Variants in EHMT1 observed in about 807,000 individuals in gnomAD.
The protein encoded by EHMT1 is euchromatic histone lysine methyltransferase 1.
EHMT1 carries 15 observed loss-of-function variants against 147.2 expected under a neutral mutation model. The ratio of observed to expected loss-of-function variants is 0.10; its 90% confidence interval spans 0.07 to 0.16. The LOEUF is 0.16. EHMT1 is among the 10% of genes least tolerant of loss of function. EHMT1 has a pLI of 1.00. For synonymous variants in EHMT1, 795 were observed against 709.6 expected, an observed-to-expected ratio of 1.12 and a Z score of -1.91; for missense variants, 1,587 against 1,772.4, an observed-to-expected ratio of 0.90 and a Z score of 1.88.
At chr9:137,733,827 A>T (rs1279642149) in intron 4 of EHMT1, among the ~76,000 whole-genome samples, 5 of 152,222 alleles carry the variant, frequency 3.3e-5, no homozygotes, top group African/African-American at 7.2e-5. Context: ...AACTGTGTAT[A>T]TGGGGTAAAT....
chr9:137,620,796 A>T (rs922904110), intron 1 of EHMT1, among the ~76,000 whole-genome samples: 7 of 152,200 alleles, frequency 4.6e-5, no homozygotes, highest in African/African-American at 1.7e-4. Flanking sequence ...TGTTTAATAC[A>T]TGACCGATGA....
rs1955975040 is a variant in EHMT1, at chr9:137,828,520, C to T, written c.3541-5829C>T. Among the ~76,000 whole-genome samples the T allele has an allele frequency of 6.6e-6, 1 of 151,446 alleles. No homozygotes were observed. Among genetic ancestry groups the T allele is most frequent in the Non-Finnish European group, 1.5e-5 (1 of 67,902 alleles). On this transcript the variant is annotated intron_variant, in intron 25 of 26. Transcript: ENST00000460843. The surrounding 1 kb of genome is among the most constrained non-coding windows in gnomAD (Gnocchi z 5.3). ...GACCTCTAGGGTCACGCGGAGGCTCCTGGGGTCAGACTGAGAAAGGGGCTC... is the reference window on the plus strand; with the variant it reads ...GACCTCTAGGGTCACGCGGAGGCTCTTGGGGTCAGACTGAGAAAGGGGCTC...
intron 1 of EHMT1, among the ~76,000 whole-genome samples, chr9:137,678,904 C>T (rs1480862196): frequency 6.6e-6 from 1 of 152,108 alleles, no homozygotes; most frequent in Non-Finnish European, 1.5e-5. Context: ...GCATGCTACT[C>T]AGAGCAGTGT....
At chr9:137,703,661 A>T (rs1944022489) in intron 1 of EHMT1, among the ~76,000 whole-genome samples, 1 of 152,130 alleles carries the variant, frequency 6.6e-6, no homozygotes, top group Non-Finnish European at 1.5e-5. Flanking sequence ...AGACCTCCTC[A>T]GCTTGGACTT....
intron 10 of EHMT1, among the ~76,000 whole-genome samples, chr9:137,772,490 G>A (rs73576120): frequency 0.023 from 3,501 of 152,310 alleles, 147 homozygotes; most frequent in African/African-American, 0.078. Context: ...TAGCTGCATG[G>A]ACCTCGTCTG....
At chr9:137,832,538 A>AAC in intron 25 of EHMT1, 2 of 46,594 alleles carry the variant, frequency 4.3e-5, no homozygotes, top group Non-Finnish European at 4.4e-5. Flanking sequence ...CCCTCCCCCC[A>AAC]CCCACCCATG....
intron 1 of EHMT1, among the ~76,000 whole-genome samples, chr9:137,661,322 A>T (rs1011724771): frequency 1.3e-5 from 2 of 151,750 alleles, no homozygotes; most frequent in Admixed American, 6.6e-5. Flanking sequence ...CCTATTTAGG[A>T]TGGTGTTTAT....
intron 1 of EHMT1, among the ~76,000 whole-genome samples, chr9:137,700,278 G>A (rs1235347970): frequency 6.6e-6 from 1 of 152,170 alleles, no homozygotes; most frequent in Non-Finnish European, 1.5e-5. Flanking sequence ...ACCTCCCCGG[G>A]AGCTGCTTGT....
chr9:137,641,514 TGGG>T (rs1173526249), intron 1 of EHMT1: 1 of 388,568 alleles, frequency 2.6e-6, no homozygotes, highest in African/African-American at 2.2e-5. Context: ...ACCCAGAAAT[TGGG>T]GATTTTGGGA....
At chr9:137,818,039 C>T (rs374530210) in intron 24 of EHMT1, 21 bp from the exon 25 acceptor site, 2 of 1,613,806 alleles carry the variant, frequency 1.2e-6, no homozygotes, top group Non-Finnish European at 8.5e-7. Context: ...CAGGGCCTCA[C>T]CTGCACCGCA....
In EHMT1 at chr9:137,828,715, T is replaced by G. The variant is rs1588919765; in HGVS notation, c.3541-5634T>G. 6.6e-6 allele frequency among the ~76,000 whole-genome samples: 1 copy of G among 152,000 alleles called. No individual in the cohort carries two copies. Among genetic ancestry groups the G allele is most frequent in the African/African-American group, 2.4e-5 (1 of 41,370 alleles). On this transcript the variant is annotated intron_variant, in intron 25 of 26. Transcript: ENST00000460843. The surrounding 1 kb of genome is among the most constrained non-coding windows in gnomAD (Gnocchi z 5.3). ...ATTTTTAACGCACTGCACTAGAGCA[T>G]CTCTAAGGCCGGTGGTTCTGGACAG...
At chr9:137,779,781 G>T in intron 14 of EHMT1, 64 bp downstream of exon 14, 1 of 1,574,356 alleles carries the variant, frequency 6.4e-7, no homozygotes, top group Non-Finnish European at 8.7e-7. Flanking sequence ...GAAGCCGAGA[G>T]CAGTTGTTAC....
chr9:137,690,104 A>T (rs888868838), intron 1 of EHMT1, among the ~76,000 whole-genome samples: 5 of 152,202 alleles, frequency 3.3e-5, no homozygotes, highest in African/African-American at 1.2e-4. Flanking sequence ...TTAAGACCCA[A>T]GGTGACGTGG....
At chr9:137,639,940 CTTAT>C (rs1844361610) in intron 1 of EHMT1, among the ~76,000 whole-genome samples, 1 of 152,136 alleles carries the variant, frequency 6.6e-6, no homozygotes, top group African/African-American at 2.4e-5. Context: ...CTTCTGTAAC[CTTAT>C]TTATTTAGAG....
At chr9:137,803,130 C>T in intron 18 of EHMT1, 3 of 1,228,774 alleles carry the variant, frequency 2.4e-6, no homozygotes, top group South Asian at 4.3e-5. Context: ...GAGCTGTTAG[C>T]TCTCTGATGC....
intron 10 of EHMT1, among the ~76,000 whole-genome samples, chr9:137,765,801 G>A (rs1019089132): frequency 1.3e-5 from 2 of 151,992 alleles, no homozygotes; most frequent in Non-Finnish European, 2.9e-5. Context: ...TTCCCCTGTG[G>A]CACTGCTGCC....
intron 1 of EHMT1, among the ~76,000 whole-genome samples, chr9:137,684,279 C>T (rs935112950): frequency 3.3e-5 from 5 of 152,040 alleles, no homozygotes; most frequent in African/African-American, 1.2e-4. Context: ...GCAATCTGCC[C>T]GCCTTGGCCT....
intron 25 of EHMT1, among the ~76,000 whole-genome samples, chr9:137,832,117 G>A (rs1160943007): frequency 1.3e-5 from 2 of 149,466 alleles, no homozygotes; most frequent in African/African-American, 5.0e-5. Context: ...GATTGGCTGG[G>A]CTCCCTCCGC....
rs1452623224 is a variant in EHMT1 at position 137,787,568 on chromosome 9, CGAG to C, written c.2383-3278_2383-3276del. ...CCAGCAAGGCTGCTGCCTGGTGTTT[CGAG>C]GCTGCTGTGGTCGCAGACAACCGCC... On this transcript the variant is annotated intron_variant, in intron 15 of 26. Coordinates refer to ENST00000460843, the MANE Select transcript of EHMT1 (RefSeq NM_024757.5). The surrounding 1 kb of genome is among the most constrained non-coding windows in gnomAD (Gnocchi z 4.2). 2.2e-6 allele frequency: 1 copy of C among 452,352 alleles called. No individual in the cohort carries two copies. The highest frequency in any genetic ancestry group is 4.0e-6 in the Non-Finnish European group (1 of 247,376). 28.0% of individuals were successfully genotyped at this position (452,352 alleles called of 1,614,324 possible).
Sources: gnomAD v4.1 joint callset for allele counts (sites outside exome capture counted in the v4.1 genomes callset) on GRCh38, gnomAD v4.1.1 for gene constraint, Gnocchi (gnomAD v3.1) non-coding constraint, MANE v1.5 for transcripts, NCBI Gene and HGNC (gene_info 2026-07-23, HGNC 2026-07-21) for gene names.